Variants in BAZ2B observed in about 807,000 individuals in gnomAD.
The protein encoded by BAZ2B is bromodomain adjacent to zinc finger domain protein 2B.
A neutral mutation model predicts 246.0 loss-of-function variants in BAZ2B; 91 were observed. The observed-to-expected ratio is 0.37, with a 90% CI of 0.31 to 0.44. BAZ2B has a LOEUF of 0.44. Ranked by LOEUF, BAZ2B falls within the 20% of genes least tolerant of loss-of-function variation. The pLI is 1.00. For missense variants in BAZ2B, 2,332 were observed against 2,533.7 expected, an observed-to-expected ratio of 0.92 and a Z score of 1.71; for synonymous variants, 855 against 860.0, an observed-to-expected ratio of 0.99 and a Z score of 0.10.
chr2:159,382,219 CT>C (rs2062071908), intron 25 of BAZ2B, among the ~76,000 whole-genome samples: 1 of 152,140 alleles, frequency 6.6e-6, no homozygotes, highest in African/African-American at 2.4e-5. Flanking sequence ...GCATGAAGCG[CT>C]GTACAAATGT....
At chr2:159,448,475 G>A (rs2074571734) in intron 4 of BAZ2B, 66 bp from the exon 5 acceptor site, 1 of 1,475,694 alleles carries the variant, frequency 6.8e-7, no homozygotes, top group African/African-American at 1.4e-5. Flanking sequence ...CGTCACAATG[G>A]CTTTCTATGT....
At chr2:159,626,554 A>T in the BAZ2B span, among the ~76,000 whole-genome samples, 1 of 151,636 alleles carries the variant, frequency 6.6e-6, no homozygotes, top group African/African-American at 2.4e-5. Context: ...GAAACTGAAC[A>T]ACCTGAATGA....
In BAZ2B at chr2:159,430,730, C is replaced by T. The variant is rs1234590185; in HGVS notation, c.2194+133G>A. 3 of 1,399,194 alleles carry T rather than the reference C, an allele frequency of 2.1e-6. No homozygotes were observed. In the Admixed American group the frequency reaches 8.3e-5, roughly 39 times the overall value. The allele number at this position is 1,399,194 out of a possible 1,614,324, so 86.7% of individuals were successfully genotyped here. A position where few individuals can be genotyped will look rare whatever the true frequency, so the allele number is the denominator to read the frequency against. On this transcript the variant is annotated intron_variant, in intron 10 of 36. Coordinates refer to ENST00000392783, the MANE Select transcript of BAZ2B (RefSeq NM_013450.4). ...CATATCCTTTGAAAATACAGGCTCA[C>T]CTTCCTTAGCCAACCTAAAATCTAA...
intron 3 of BAZ2B, among the ~76,000 whole-genome samples, chr2:159,477,122 G>T (rs184987684): frequency 1.3e-5 from 2 of 152,050 alleles, no homozygotes; most frequent in Non-Finnish European, 2.9e-5. Flanking sequence ...TGGCTAACAC[G>T]GTGAAACCCC....
chr2:159,636,052 A>G, the BAZ2B span, among the ~76,000 whole-genome samples: 2 of 152,162 alleles, frequency 1.3e-5, no homozygotes, highest in East Asian at 3.9e-4. Flanking sequence ...ACAAGACTCC[A>G]TCTCAAACAA....
intron 27 of BAZ2B, among the ~76,000 whole-genome samples, chr2:159,365,519 C>T (rs1559123628): frequency 6.6e-6 from 1 of 152,256 alleles, no homozygotes; most frequent in East Asian, 1.9e-4. Context: ...TTTGTGTGTT[C>T]ATATTACAGA....
intron 21 of BAZ2B, among the ~76,000 whole-genome samples, chr2:159,388,923 C>A (rs866222373): frequency 2.6e-5 from 4 of 151,790 alleles, no homozygotes; most frequent in South Asian, 4.2e-4. Context: ...TAACAAAAAC[C>A]CAAAAAACTA....
intron 1 of BAZ2B, among the ~76,000 whole-genome samples, chr2:159,561,565 C>T (rs1291208423): frequency 6.6e-6 from 1 of 152,192 alleles, no homozygotes; most frequent in East Asian, 1.9e-4. Context: ...TGTAATATGG[C>T]TGGTGTTACT....
intron 13 of BAZ2B, among the ~76,000 whole-genome samples, chr2:159,416,414 AG>A (rs1419323587): frequency 1.3e-5 from 2 of 152,184 alleles, no homozygotes; most frequent in Admixed American, 1.3e-4. Context: ...TGATTAGTTT[AG>A]GTTTTCATTT....
chr2:159,395,780 T>C lies in BAZ2B; in HGVS notation c.3064A>G (p.Lys1022Glu). The change falls in exon 20 of 37, where the codon AAA becomes GAA. Residue 1022 changes from lysine (K) to glutamate (E), a missense_variant. By Grantham distance (56) the Lys-to-Glu change is moderately conservative. Coordinates refer to ENST00000392783, the MANE Select transcript of BAZ2B (RefSeq NM_013450.4). The stretch of plus-strand genomic sequence containing the variant: ...AAACATACACTTACTTCTGCTTTTT[T>C]ACGAGCTTCCATAGCTTTCATAAGC... ...MMLMKAMEAR[K>E]KAEEKERLKQ... is the part of the protein sequence containing the mutation. The C allele has an allele frequency of 6.2e-7, 1 of 1,610,478 alleles. No individual in the cohort carries two copies. The highest frequency in any genetic ancestry group is 8.5e-7 in the Non-Finnish European group (1 of 1,177,710).
chr2:159,378,861 T>C (rs2061684803), intron 25 of BAZ2B, among the ~76,000 whole-genome samples: 1 of 151,962 alleles, frequency 6.6e-6, no homozygotes, highest in African/African-American at 2.4e-5. Context: ...CTGTTGGGAG[T>C]GTGGGATTGT....
intron 1 of BAZ2B, among the ~76,000 whole-genome samples, chr2:159,594,366 C>T (rs554191927): frequency 1.1e-3 from 165 of 152,054 alleles, no homozygotes; most frequent in Middle Eastern, 6.8e-3. Context: ...GAGATCGCGC[C>T]ACCGCGCTCC....
chr2:159,582,065 T>TAATA (rs368506074), intron 1 of BAZ2B, among the ~76,000 whole-genome samples: 20 of 151,514 alleles, frequency 1.3e-4, no homozygotes, highest in Non-Finnish European at 2.5e-4. Context: ...ACTTAAAGTA[T>TAATA]AAAAAAAATG....
chr2:159,514,337 T>C (rs1392450573), intron 2 of BAZ2B, among the ~76,000 whole-genome samples: 2 of 152,194 alleles, frequency 1.3e-5, no homozygotes, highest in East Asian at 1.9e-4. Context: ...TTTAGCATTC[T>C]GTACTGACCT....
intron 2 of BAZ2B, among the ~76,000 whole-genome samples, chr2:159,552,196 C>T (rs1236723897): frequency 6.6e-6 from 1 of 152,160 alleles, no homozygotes; most frequent in Admixed American, 6.5e-5. Context: ...AGTTCTCTGA[C>T]TCCCTTTTCC....
At chr2:159,569,719 G>T (rs2162023) in intron 1 of BAZ2B, among the ~76,000 whole-genome samples, 3 of 151,828 alleles carry the variant, frequency 2.0e-5, no homozygotes, top group Admixed American at 6.6e-5. Flanking sequence ...CAGCACCTTA[G>T]GAGGCTGAGG....
Position 159,456,795 on chromosome 2 carries a change from A to G in BAZ2B, c.146-2994T>C, listed in dbSNP as rs139699150. ...GCTGGTGAGAAAAAGATTCACGTCTATATTTAGTAAAGTATACTAAGATCA... is the reference window on the plus strand; with the variant it reads ...GCTGGTGAGAAAAAGATTCACGTCTGTATTTAGTAAAGTATACTAAGATCA... On this transcript the variant is annotated intron_variant, in intron 3 of 36. Transcript: ENST00000392783. Among the ~76,000 whole-genome samples, 231 of 152,332 alleles carry G rather than the reference A, an allele frequency of 1.5e-3. 1 individual carries two copies. The highest frequency in any genetic ancestry group is 5.2e-3 in the African/African-American group (218 of 41,598).
intron 16 of BAZ2B, among the ~76,000 whole-genome samples, chr2:159,404,140 C>T (rs1221349932): frequency 6.6e-6 from 1 of 152,124 alleles, no homozygotes. Context: ...AAGAATAGTA[C>T]TTTCTCCCCA....
intron 23 of BAZ2B, 24 bp from the exon 24 acceptor site, chr2:159,383,704 A>C: frequency 6.3e-7 from 1 of 1,587,770 alleles, no homozygotes; most frequent in Non-Finnish European, 8.6e-7. Flanking sequence ...AATTTATTAA[A>C]AAGTGTAAAT....
Sources: allele counts gnomAD v4.1 joint callset (sites outside exome capture counted in the v4.1 genomes callset), GRCh38; gene constraint gnomAD v4.1.1; transcripts MANE v1.5; gene names NCBI Gene and HGNC (gene_info 2026-07-23, HGNC 2026-07-21).